GRAMD4: variants seen among roughly 807,000 people sequenced by gnomAD.
The protein encoded by GRAMD4 is GRAM domain-containing protein 4.
In GRAMD4, 25 loss-of-function variants were observed where a neutral mutation model predicts 83.9. The ratio of observed to expected loss-of-function variants is 0.30; its 90% CI spans 0.22 to 0.42. The LOEUF is 0.42. Ranked by LOEUF, GRAMD4 falls within the 10% of genes least tolerant of loss-of-function variation. The probability of loss-of-function intolerance (pLI) is 1.00; values close to 1 mark genes in which losing one functional copy is unlikely to be tolerated. For missense variants in GRAMD4, 593 were observed against 788.7 expected (o/e 0.75, Z 2.97); for synonymous variants, 336 against 320.9 (o/e 1.05, Z -0.50).
chr22:46,639,252 G>A (rs78885306), intron 3 of GRAMD4, among the ~76,000 whole-genome samples: 143 of 146,728 alleles, frequency 9.7e-4, no homozygotes, highest in Non-Finnish European at 1.7e-3. Context: ...TTAACCGTGT[G>A]TATGTAGACA....
intron 3 of GRAMD4, among the ~76,000 whole-genome samples, chr22:46,651,592 C>A (rs982231168): frequency 1.3e-5 from 2 of 152,360 alleles, no homozygotes; most frequent in East Asian, 3.9e-4. Flanking sequence ...TCTGCTCACA[C>A]ACGTCTTGCA....
intron 1 of GRAMD4, among the ~76,000 whole-genome samples, chr22:46,626,386 CAG>C (rs2081659828): frequency 6.6e-6 from 1 of 152,092 alleles, no homozygotes. Flanking sequence ...CTCGCCGAGC[CAG>C]GCTGAGAACC....
At chr22:46,682,228 A>G (rs1187159197), downstream of GRAMD4, among the ~76,000 whole-genome samples, 1 of 152,192 alleles carries the variant, frequency 6.6e-6, no homozygotes, top group Non-Finnish European at 1.5e-5. Flanking sequence ...TGGGCAGCTG[A>G]CCACTCCCTC....
rs986253771 is a variant in GRAMD4 at position 46,661,543 on chromosome 22, C to G, written c.466+101C>G. On this transcript the variant is annotated intron_variant, in intron 5 of 18. Transcript: ENST00000406902. ...CAGGTTAACAATGGAGCAGATACCC[C>G]CTCCCCCAGCAGGTGGGCAGGCGGC... 8 of 833,240 alleles carry G rather than the reference C, an allele frequency of 9.6e-6. No individual in the cohort carries two copies. In the African/African-American group the frequency reaches 1.3e-4, roughly 14 times the overall value. 51.6% of individuals were successfully genotyped at this position (833,240 alleles called of 1,614,324 possible).
chr22:46,592,792 C>A (rs1569248729), intron 1 of GRAMD4, among the ~76,000 whole-genome samples: 1 of 152,184 alleles, frequency 6.6e-6, no homozygotes, highest in Non-Finnish European at 1.5e-5. Flanking sequence ...GGAGGGGCTG[C>A]TGGCTGCCTG....
Position 46,677,507 on chromosome 22 carries a change from G to A in GRAMD4, c.*256G>A, listed in dbSNP as rs2047766960. The A allele has an allele frequency of 8.7e-6, 11 of 1,257,964 alleles. No individual in the cohort carries two copies. Among genetic ancestry groups the A allele is most frequent in the African/African-American group, 1.5e-5 (1 of 66,354 alleles). 77.9% of individuals were successfully genotyped at this position (1,257,964 alleles called of 1,614,324 possible). A position where few individuals can be genotyped will look rare whatever the true frequency, so the allele number is the denominator to read the frequency against. On this transcript the variant is annotated 3_prime_UTR_variant, in exon 19 of 19. Coordinates refer to ENST00000406902, the MANE Select transcript of GRAMD4 (RefSeq NM_015124.5). Reference sequence around the variant, plus strand: ...AGGGCCACCCGCAGACTGGGGGAGGGGGCAGAGGCCCTCGGGGGCCCGTGG... The same window carrying A: ...AGGGCCACCCGCAGACTGGGGGAGGAGGCAGAGGCCCTCGGGGGCCCGTGG...
At chr22:46,607,882 C>T (rs1049817476) in intron 1 of GRAMD4, among the ~76,000 whole-genome samples, 6 of 152,162 alleles carry the variant, frequency 3.9e-5, no homozygotes, top group African/African-American at 7.2e-5. Flanking sequence ...GTCCTTCATG[C>T]CCTCAGCCTG....
At chr22:46,644,232 G>A (rs531585825) in intron 3 of GRAMD4, among the ~76,000 whole-genome samples, 1 of 151,992 alleles carries the variant, frequency 6.6e-6, no homozygotes, top group Non-Finnish European at 1.5e-5. Context: ...ACCTGTCCCT[G>A]TTCCGTGTTA....
chr22:46,660,537 G>T (rs371756458), intron 4 of GRAMD4, among the ~76,000 whole-genome samples: 1 of 152,200 alleles, frequency 6.6e-6, no homozygotes, highest in African/African-American at 2.4e-5. Context: ...GAAGCTGCAG[G>T]ATTAAAGCAC....
intron 2 of GRAMD4, among the ~76,000 whole-genome samples, chr22:46,627,960 G>C (rs1042719045): frequency 6.6e-6 from 1 of 152,192 alleles, no homozygotes; most frequent in African/African-American, 2.4e-5. Flanking sequence ...GGGGTGGACC[G>C]GGACCCCGGT....
In GRAMD4 at chr22:46,661,365, C is replaced by T; in HGVS notation, c.405-16C>T. 1 of 1,610,222 alleles carries T rather than the reference C, an allele frequency of 6.2e-7. No homozygotes were observed. Among genetic ancestry groups the T allele is most frequent in the Non-Finnish European group, 8.5e-7 (1 of 1,177,360 alleles). On this transcript the variant is annotated splice_polypyrimidine_tract_variant and intron_variant, in intron 4 of 18. Coordinates refer to ENST00000406902, the MANE Select transcript of GRAMD4 (RefSeq NM_015124.5). ...AACTAACAGACCTCTTGTCTCTTCTCTCCCTGCTTTTTAAGAACCGAGGAG... is the reference window on the plus strand; with the variant it reads ...AACTAACAGACCTCTTGTCTCTTCTTTCCCTGCTTTTTAAGAACCGAGGAG...
chr22:46,670,097 C>T (rs2082479550), intron 13 of GRAMD4, among the ~76,000 whole-genome samples: 1 of 152,188 alleles, frequency 6.6e-6, no homozygotes, highest in Non-Finnish European at 1.5e-5. Context: ...AGCTCCGTGC[C>T]GGAGTCGGGA....
Position 46,620,553 on chromosome 22 carries a change from G to A in GRAMD4, c.-62G>A. Reference sequence around the variant, plus strand: ...TGAAAGAGTGTTTCTGGATGTATCTGAGACAGACGGAGGTAGGGGGCAGGG... The same window carrying A: ...TGAAAGAGTGTTTCTGGATGTATCTAAGACAGACGGAGGTAGGGGGCAGGG... On this transcript the variant is annotated 5_prime_UTR_variant, in exon 1 of 19. Transcript: ENST00000406902. The surrounding 1 kb of genome is among the most constrained non-coding windows in gnomAD (Gnocchi z 4.7). 5.6e-6 allele frequency: 5 copies of A among 887,052 alleles called. No individual in the cohort carries two copies. Among genetic ancestry groups the A allele is most frequent in the Non-Finnish European group, 5.3e-6 (4 of 750,322 alleles). 54.9% of individuals were successfully genotyped at this position (887,052 alleles called of 1,614,324 possible). A position where few individuals can be genotyped will look rare whatever the true frequency, so the allele number is the denominator to read the frequency against.
chr22:46,637,600 C>G (rs922970797), intron 2 of GRAMD4, among the ~76,000 whole-genome samples: 2 of 152,246 alleles, frequency 1.3e-5, no homozygotes, highest in African/African-American at 4.8e-5. Flanking sequence ...TCCACATTCT[C>G]TGAGATGTCC....
In GRAMD4 at chr22:46,620,386, G is replaced by A; in HGVS notation, c.-229G>A. 1.0e-6 allele frequency: 1 copy of A among 985,288 alleles called. No homozygotes were observed. The highest frequency in any genetic ancestry group is 1.7e-5 in the African/African-American group (1 of 57,300). 61.0% of individuals were successfully genotyped at this position (985,288 alleles called of 1,614,324 possible). On this transcript the variant is annotated 5_prime_UTR_variant, in exon 1 of 19. Coordinates refer to ENST00000406902, the MANE Select transcript of GRAMD4 (RefSeq NM_015124.5). The surrounding 1 kb of genome is among the most constrained non-coding windows in gnomAD (Gnocchi z 4.7). ...GTGAGCCCTGCTGCCCTGCTCTGGT[G>A]CACAGGACTGGAGTCCTCCAGGCTC...
At chr22:46,579,818 G>T (rs1466204317) in intron 1 of GRAMD4, among the ~76,000 whole-genome samples, 2 of 152,200 alleles carry the variant, frequency 1.3e-5, no homozygotes, top group Non-Finnish European at 2.9e-5. Flanking sequence ...TTAGGAGGCT[G>T]CCCCATCTCG....
At chr22:46,680,165 G>GC (rs1339373047), downstream of GRAMD4, among the ~76,000 whole-genome samples, 1 of 152,192 alleles carries the variant, frequency 6.6e-6, no homozygotes. Context: ...GCAGGCTTTG[G>GC]CCCCTCTCCA....
chr22:46,661,350 C>A (rs747163535), intron 4 of GRAMD4, 31 bp from the exon 5 acceptor site: 2 of 1,588,570 alleles, frequency 1.3e-6, no homozygotes, highest in Non-Finnish European at 1.7e-6. Context: ...AACTAACAGA[C>A]CTCTTGTCTC....
In GRAMD4 at chr22:46,672,932, A is replaced by G. The variant is rs770444440; in HGVS notation, c.1174A>G (p.Ile392Val). The G allele has an allele frequency of 2.5e-6, 4 of 1,611,802 alleles. No homozygotes were observed. The highest frequency in any genetic ancestry group is 1.3e-5 in the African/African-American group (1 of 75,002). The change falls in exon 14 of 19, where the codon ATC becomes GTC. Residue 392 changes from isoleucine (I) to valine (V), a missense_variant. Physicochemically the swap from Ile to Val is conservative, Grantham distance 29 (BLOSUM62 3). This residue lies in a region of GRAMD4 where 171 missense variants were observed against 199.6 expected (regional missense o/e 0.86). Coordinates refer to ENST00000406902, the MANE Select transcript of GRAMD4 (RefSeq NM_015124.5). This position sits in a 1 kb window ranked among gnomAD's most constrained non-coding sequence, Gnocchi z 4.7. ...CGCCAAGTACGACACGCCCTATATC[A>G]TCTGGAGGAGTCTCCCCACCGACCC... ...LRAKYDTPYIIWRSLPTDPQL... is the reference protein window; with the variant it reads ...LRAKYDTPYIVWRSLPTDPQL...
Sources: gnomAD v4.1 joint callset for allele counts (sites outside exome capture counted in the v4.1 genomes callset) on GRCh38, gnomAD v4.1.1 for gene constraint, gnomAD v4.1.1 regional missense constraint, Gnocchi (gnomAD v3.1) non-coding constraint, MANE v1.5 for transcripts, NCBI Gene and HGNC (gene_info 2026-07-23, HGNC 2026-07-21) for gene names.